ADAMTS20: variants seen among roughly 807,000 people sequenced by gnomAD.
The protein encoded by ADAMTS20 is ADAM metallopeptidase with thrombospondin type 1 motif 20.
In ADAMTS20, 225 loss-of-function variants were observed where a neutral mutation model predicts 260.1. The ratio of observed to expected loss-of-function variants is 0.87; its 90% CI spans 0.78 to 0.97. ADAMTS20 has a LOEUF of 0.97. Ranked by LOEUF, ADAMTS20 falls within the 50% of genes least tolerant of loss-of-function variation. The probability of loss-of-function intolerance (pLI) is 0.00; values close to 1 mark genes in which losing one functional copy is unlikely to be tolerated. For synonymous variants in ADAMTS20, 802 were observed against 769.5 expected (o/e 1.04, Z -0.70); for missense variants, 2,400 against 2,337.7 (o/e 1.03, Z -0.55).
chr12:43,517,549 A>T (rs920056346), intron 3 of ADAMTS20, among the ~76,000 whole-genome samples: 1 of 152,126 alleles, frequency 6.6e-6, no homozygotes, highest in Admixed American at 6.6e-5. Flanking sequence ...ATTAAAGAAT[A>T]AATTGACGAT....
chr12:43,485,914 A>G (rs1402374289), intron 7 of ADAMTS20, among the ~76,000 whole-genome samples: 1 of 152,142 alleles, frequency 6.6e-6, no homozygotes. Flanking sequence ...CTGCTGAAAG[A>G]AAACATAGAT....
chr12:43,392,601 T>C (rs953384993), intron 29 of ADAMTS20, among the ~76,000 whole-genome samples: 2 of 152,144 alleles, frequency 1.3e-5, no homozygotes, highest in African/African-American at 4.8e-5. Context: ...GATTTTAACA[T>C]AGACGAATTC....
intron 14 of ADAMTS20, among the ~76,000 whole-genome samples, chr12:43,447,422 G>C (rs547269776): frequency 6.6e-6 from 1 of 152,174 alleles, no homozygotes; most frequent in East Asian, 1.9e-4. Flanking sequence ...TGCAGAAAAT[G>C]CTTTCAATAA....
At chr12:43,505,995 G>T (rs1942835338) in intron 3 of ADAMTS20, among the ~76,000 whole-genome samples, 1 of 152,184 alleles carries the variant, frequency 6.6e-6, no homozygotes. Flanking sequence ...GTGGTGGCAT[G>T]CACCTGTAGT....
chr12:43,537,941 A>G (rs1943319696), intron 2 of ADAMTS20, among the ~76,000 whole-genome samples: 1 of 152,208 alleles, frequency 6.6e-6, no homozygotes. Context: ...GGTTGCTTCC[A>G]AATCTTGGCT....
At chr12:43,547,896 A>G (rs17093477) in intron 2 of ADAMTS20, among the ~76,000 whole-genome samples, 3,667 of 152,286 alleles carry the variant, frequency 0.024, 92 homozygotes, top group East Asian at 0.11. Context: ...CTGTTAACAG[A>G]AAAGTACAAT....
rs763258225 is a variant in ADAMTS20, at chr12:43,431,482, A to C, written c.3111T>G (p.Cys1037Trp). The C allele has an allele frequency of 2.5e-6, 4 of 1,613,820 alleles. No individual in the cohort carries two copies. The African/African-American group carries it at 5.3e-5, about 22-fold the overall frequency. The change falls in exon 22 of 39, where the codon TGT (cysteine) becomes TGG (tryptophan). Residue 1037 changes from cysteine (C) to tryptophan (W), a missense_variant. Physicochemically the swap from Cys to Trp is radical, Grantham distance 215 (BLOSUM62 -2). Coordinates refer to ENST00000389420, the MANE Select transcript of ADAMTS20 (RefSeq NM_025003.5). ...ASEWSECLVTCGKGTKQRQVW... is the reference protein window; with the variant it reads ...ASEWSECLVTWGKGTKQRQVW... ...CCTGCCGCTGCTTTGTTCCTTTACC[A>C]CATGTAACAAGGCACTGTAAGAATA...
At chr12:43,399,259 G>T in intron 28 of ADAMTS20, 26 bp from the exon 29 acceptor site, 1 of 1,428,504 alleles carries the variant, frequency 7.0e-7, no homozygotes, top group Admixed American at 2.9e-5. Flanking sequence ...GAATGCACTT[G>T]ATTCATTTTC....
intron 28 of ADAMTS20, among the ~76,000 whole-genome samples, chr12:43,416,815 CCCGG>C (rs1466939059): frequency 6.6e-6 from 1 of 152,168 alleles, no homozygotes; most frequent in African/African-American, 2.4e-5. Context: ...AGCCACCGCG[CCCGG>C]CCAAACTGAA....
intron 37 of ADAMTS20, among the ~76,000 whole-genome samples, chr12:43,361,234 C>T (rs964588260): frequency 2.6e-5 from 4 of 152,222 alleles, no homozygotes; most frequent in African/African-American, 9.6e-5. Context: ...AGAATAAGTT[C>T]TTTCTGTGAC....
chr12:43,376,058 TA>T lies in ADAMTS20; in HGVS notation c.5310del (p.Phe1770LeufsTer3). The stretch of plus-strand genomic sequence containing the variant: ...GATAGACCAAAACACATCTCGTACC[TA>T]AAGCCATACACTTCAGAAAAGTTTT... Reference protein sequence around the residue: ...GEENFSEVYGFRLKNPYQCPF... With the variant: ...GEENFSEVYGXRLKNPYQCPF... On this transcript the variant is annotated frameshift_variant and splice_region_variant, in exon 35 of 39. Coordinates refer to ENST00000389420, the MANE Select transcript of ADAMTS20 (RefSeq NM_025003.5). LOFTEE classifies it high-confidence loss of function. 2 of 1,599,454 alleles carry T rather than the reference TA, an allele frequency of 1.3e-6. No homozygotes were observed.
intron 29 of ADAMTS20, among the ~76,000 whole-genome samples, chr12:43,385,341 GA>G (rs1233151901): frequency 1.3e-5 from 2 of 152,228 alleles, no homozygotes; most frequent in African/African-American, 4.8e-5. Flanking sequence ...GTAGATTCTG[GA>G]TATTAGCGCT....
rs572384339 is a variant in ADAMTS20 at position 43,399,148 on chromosome 12, C to T, written c.4370G>A (p.Cys1457Tyr). The change falls in exon 29 of 39, where the codon TGC (cysteine) becomes TAC (tyrosine). Residue 1457 changes from cysteine to tyrosine, a missense_variant. By Grantham distance (194) the Cys-to-Tyr change is radical. Coordinates refer to ENST00000389420, the MANE Select transcript of ADAMTS20 (RefSeq NM_025003.5). ...QFQRKLEDTN[C>Y]SQVQKPPTHK... is the part of the protein sequence containing the mutation. ...AGTTGGAGGTTTCTGTACTTGACTG[C>T]AATTTGTGTCTTCTAATTTCCTTTG... is the stretch of plus-strand genomic sequence containing the variant. The T allele has an allele frequency of 4.0e-5, 62 of 1,561,430 alleles. 1 individual carries two copies. The South Asian group carries it at 7.3e-4, about 18-fold the overall frequency.
intron 7 of ADAMTS20, among the ~76,000 whole-genome samples, chr12:43,485,188 C>A (rs1355047345): frequency 6.6e-6 from 1 of 150,542 alleles, no homozygotes; most frequent in Non-Finnish European, 1.5e-5. Context: ...CAACAAAATA[C>A]TAGCAAACTG....
Position 43,439,965 on chromosome 12 carries a change from T to C in ADAMTS20, c.2395A>G (p.Ser799Gly). 6.2e-7 allele frequency: 1 copy of C among 1,601,044 alleles called. No homozygotes were observed. ...VQGTRTVIEY[S>G]GSNNAVERIN... ...CTTTCAACTGCGTTATTTGATCCAC[T>C]GTATTCAATAACAGTTCTTGTTCCT... The change falls in exon 17 of 39, where the codon AGT becomes GGT. Residue 799 changes from serine to glycine, a missense_variant. Ser to Gly is a moderately conservative substitution (Grantham distance 56). Transcript: ENST00000389420.
Position 43,395,281 on chromosome 12 carries a change from G to C in ADAMTS20, c.4452+3785C>G, listed in dbSNP as rs79148713. 4.4e-3 allele frequency among the ~76,000 whole-genome samples: 676 copies of C among 152,186 alleles called. 6 individuals carry two copies. Among genetic ancestry groups the C allele is most frequent in the African/African-American group, 0.015 (637 of 41,524 alleles). On this transcript the variant is annotated intron_variant, in intron 29 of 38. Coordinates refer to ENST00000389420, the MANE Select transcript of ADAMTS20 (RefSeq NM_025003.5). ...TGACATTTCAAATGAAGGGATCACA[G>C]ATTCTTAGGAGCTTTAGGGACTTAA...
chr12:43,503,978 G>A (rs1328362594), intron 3 of ADAMTS20, among the ~76,000 whole-genome samples: 1 of 152,074 alleles, frequency 6.6e-6, no homozygotes, highest in Non-Finnish European at 1.5e-5. Context: ...GGGCATTTAG[G>A]TTGGTTCCAT....
intron 21 of ADAMTS20, among the ~76,000 whole-genome samples, chr12:43,431,712 A>G (rs1285329609): frequency 6.6e-6 from 1 of 152,132 alleles, no homozygotes; most frequent in African/African-American, 2.4e-5. Flanking sequence ...TATCCTAGAA[A>G]CAAAGGTGCA....
intron 28 of ADAMTS20, among the ~76,000 whole-genome samples, chr12:43,421,961 T>C (rs1488323765): frequency 6.6e-6 from 1 of 151,898 alleles, no homozygotes; most frequent in African/African-American, 2.4e-5. Flanking sequence ...TAATATAAGA[T>C]CTGTTCAGTG....
Sources: gnomAD v4.1 joint callset for allele counts (sites outside exome capture counted in the v4.1 genomes callset) on GRCh38, gnomAD v4.1.1 for gene constraint, MANE v1.5 for transcripts, NCBI Gene and HGNC (gene_info 2026-07-23, HGNC 2026-07-21) for gene names.